The following VPS41 variants were observed in gnomAD, a reference collection of about 807,000 sequenced individuals.
VPS41 encodes vacuolar protein sorting-associated protein 41 homolog.
VPS41 carries 85 observed loss-of-function variants against 130.9 expected under a neutral mutation model. The ratio of observed to expected loss-of-function variants is 0.65; its 90% CI spans 0.55 to 0.78. The LOEUF is 0.78. VPS41 is among the 30% of genes least tolerant of loss of function. The probability of loss-of-function intolerance (pLI) is 0.00; values close to 1 mark genes in which losing one functional copy is unlikely to be tolerated. For synonymous variants in VPS41, 335 were observed against 332.9 expected (o/e 1.01, Z -0.07); for missense variants, 874 against 1,018.7 (o/e 0.86, Z 1.93).
chr7:38,833,451 C>G (rs1785432930), intron 4 of VPS41, among the ~76,000 whole-genome samples: 1 of 152,166 alleles, frequency 6.6e-6, no homozygotes. Context: ...ACCTCATCCC[C>G]TCTTCCCCTG....
chr7:38,851,829 T>A (rs867139304), intron 4 of VPS41, among the ~76,000 whole-genome samples: 2 of 152,240 alleles, frequency 1.3e-5, no homozygotes, highest in African/African-American at 4.8e-5. Context: ...ATGATTAGTC[T>A]TTGTAATTTT....
intron 17 of VPS41, among the ~76,000 whole-genome samples, chr7:38,761,001 A>G (rs528663709): frequency 6.6e-6 from 1 of 152,254 alleles, no homozygotes; most frequent in East Asian, 1.9e-4. Context: ...AAAAGACCAC[A>G]TATTTTCCAT....
intron 2 of VPS41, among the ~76,000 whole-genome samples, chr7:38,873,531 G>T (rs1442504452): frequency 2.6e-5 from 4 of 152,072 alleles, no homozygotes; most frequent in African/African-American, 7.2e-5. Context: ...AATAATTTTT[G>T]TTAAATTTTA....
intron 4 of VPS41, among the ~76,000 whole-genome samples, chr7:38,860,724 TG>T (rs1436981869): frequency 2.2e-4 from 34 of 151,866 alleles, no homozygotes; most frequent in Non-Finnish European, 4.0e-4. Context: ...TGTGTGTGTG[TG>T]TGTGTGTGTG....
intron 4 of VPS41, among the ~76,000 whole-genome samples, chr7:38,859,961 T>A (rs1202180186): frequency 2.0e-5 from 3 of 152,230 alleles, no homozygotes; most frequent in African/African-American, 7.2e-5. Context: ...TGAATTAACA[T>A]ATGCTGAATA....
intron 4 of VPS41, among the ~76,000 whole-genome samples, chr7:38,844,607 A>T (rs1785684030): frequency 6.6e-6 from 1 of 152,206 alleles, no homozygotes; most frequent in African/African-American, 2.4e-5. Flanking sequence ...GAAAGAAAAT[A>T]ATTTTGCCCA....
At chr7:38,818,104 G>A (rs1584410711) in intron 6 of VPS41, among the ~76,000 whole-genome samples, 1 of 152,236 alleles carries the variant, frequency 6.6e-6, no homozygotes, top group Admixed American at 6.5e-5. Context: ...CAAAGAGTAG[G>A]ATAAGTCAGT....
At chr7:38,773,189 C>T (rs1428522296) in intron 12 of VPS41, among the ~76,000 whole-genome samples, 1 of 152,172 alleles carries the variant, frequency 6.6e-6, no homozygotes, top group Admixed American at 6.5e-5. Context: ...GGGACATAAT[C>T]TATCATTTCA....
chr7:38,787,043 T>C (rs1784451023), intron 10 of VPS41, among the ~76,000 whole-genome samples: 2 of 152,244 alleles, frequency 1.3e-5, no homozygotes, highest in Admixed American at 6.5e-5. Flanking sequence ...ATATGATCAA[T>C]GAAGATACAG....
intron 13 of VPS41, among the ~76,000 whole-genome samples, chr7:38,772,188 A>G (rs1264805619): frequency 6.6e-6 from 1 of 152,180 alleles, no homozygotes; most frequent in Non-Finnish European, 1.5e-5. Context: ...AAAATAAACG[A>G]TTTCATTAAA....
chr7:38,813,622 T>C (rs946292611), intron 7 of VPS41, among the ~76,000 whole-genome samples: 1 of 152,214 alleles, frequency 6.6e-6, no homozygotes, highest in East Asian at 1.9e-4. Context: ...GATTCCTCAC[T>C]TTAAAATATC....
intron 2 of VPS41, among the ~76,000 whole-genome samples, chr7:38,871,832 A>C (rs1379321476): frequency 6.6e-6 from 1 of 152,156 alleles, no homozygotes; most frequent in Non-Finnish European, 1.5e-5. Context: ...TTACTTTATT[A>C]TTATTTTCTA....
intron 10 of VPS41, among the ~76,000 whole-genome samples, chr7:38,784,220 G>A (rs991926191): frequency 6.6e-6 from 1 of 152,116 alleles, no homozygotes; most frequent in Non-Finnish European, 1.5e-5. Flanking sequence ...ACCACCCTAT[G>A]GTTATTTTAG....
chr7:38,814,292 T>C (rs1286371223), intron 7 of VPS41, among the ~76,000 whole-genome samples: 1 of 152,210 alleles, frequency 6.6e-6, no homozygotes, highest in Admixed American at 6.5e-5. Flanking sequence ...GTGGCAAACT[T>C]GATAAGACTA....
At chr7:38,873,230 C>G (rs1306299968) in intron 2 of VPS41, among the ~76,000 whole-genome samples, 1 of 151,852 alleles carries the variant, frequency 6.6e-6, no homozygotes, top group Non-Finnish European at 1.5e-5. Flanking sequence ...TCACGCTTTT[C>G]TGACGGGTAT....
chr7:38,861,385 T>C (rs1255714708), intron 4 of VPS41, among the ~76,000 whole-genome samples: 1 of 152,168 alleles, frequency 6.6e-6, no homozygotes, highest in Non-Finnish European at 1.5e-5. Context: ...TTTTAATGGA[T>C]GGCAACTGAA....
intron 12 of VPS41, among the ~76,000 whole-genome samples, chr7:38,773,301 A>G (rs1390469657): frequency 1.8e-5 from 2 of 110,012 alleles, no homozygotes; most frequent in African/African-American, 8.4e-5. Context: ...GCTCTGAGCC[A>G]AATACCTAGA....
intron 7 of VPS41, among the ~76,000 whole-genome samples, chr7:38,807,379 A>T (rs1290755114): frequency 6.6e-6 from 1 of 152,230 alleles, no homozygotes; most frequent in Non-Finnish European, 1.5e-5. Context: ...CTGAGTTAGA[A>T]AATTAAAAGG....
chr7:38,798,831 AG>A (rs1322647549), intron 7 of VPS41, among the ~76,000 whole-genome samples: 1 of 152,172 alleles, frequency 6.6e-6, no homozygotes, highest in African/African-American at 2.4e-5. Context: ...AGAGGAGAAC[AG>A]TCTGCACCTG....
Sources: allele counts gnomAD v4.1 joint callset (sites outside exome capture counted in the v4.1 genomes callset), GRCh38; gene constraint gnomAD v4.1.1; transcripts MANE v1.5; gene names NCBI Gene and HGNC (gene_info 2026-07-23, HGNC 2026-07-21).